PCDHA11: variants seen among roughly 807,000 people sequenced by gnomAD.
PCDHA11 encodes the protein protocadherin alpha 11, also known as protocadherin alpha-11.
In PCDHA11, 61 loss-of-function variants were observed where a neutral mutation model predicts 70.3. The observed-to-expected ratio is 0.87, with a 90% confidence interval of 0.71 to 1.07. The LOEUF (loss-of-function observed/expected upper bound fraction) is 1.07. Among genes scored for constraint, PCDHA11 ranks in the 50% least tolerant of loss-of-function variants. The pLI is 0.00. For synonymous variants in PCDHA11, 633 were observed against 555.1 expected, an observed-to-expected ratio of 1.14 and a Z score of -1.97; for missense variants, 1,324 against 1,237.5, an observed-to-expected ratio of 1.07 and a Z score of -1.05.
chr5:140,892,087 T>G (rs2063378040), intron 1 of PCDHA11, among the ~76,000 whole-genome samples: 1 of 152,226 alleles, frequency 6.6e-6, no homozygotes, highest in East Asian at 1.9e-4. Context: ...TAGTTTCCTC[T>G]CGAAACTTTC....
At chr5:141,002,757 A>G (rs1234528731) in intron 3 of PCDHA11, among the ~76,000 whole-genome samples, 1 of 152,224 alleles carries the variant, frequency 6.6e-6, no homozygotes, top group African/African-American at 2.4e-5. Context: ...CAACCCTGTG[A>G]TGTAGACAGG....
chr5:140,954,737 T>C (rs1208625491), intron 1 of PCDHA11, among the ~76,000 whole-genome samples: 38 of 152,210 alleles, frequency 2.5e-4, no homozygotes, highest in Non-Finnish European at 1.5e-5. Flanking sequence ...TTCACTCTGA[T>C]GATAGTTTCT....
At position 140,984,581 on chromosome 5, in the gene PCDHA11, C is replaced by T. The variant is rs141574202; in HGVS notation, c.2539+2018C>T. ...TCCAACTACTCCATGGCAACCTAAT[C>T]ATACTTTTCAATACATACCTCTGCA... On this transcript the variant is annotated intron_variant, in intron 3 of 3. Transcript: ENST00000398640. 4.4e-3 allele frequency among the ~76,000 whole-genome samples: 664 copies of T among 152,272 alleles called. 7 individuals carry two copies. The highest frequency in any genetic ancestry group is 0.013 in the African/African-American group (558 of 41,552).
intron 1 of PCDHA11, chr5:140,967,413 A>C: frequency 6.2e-7 from 1 of 1,613,218 alleles, no homozygotes; most frequent in Non-Finnish European, 8.5e-7. Context: ...AAGGGCCTAG[A>C]CCGGGAGCAG....
chr5:140,981,691 T>C (rs1370541525), intron 2 of PCDHA11, among the ~76,000 whole-genome samples: 1 of 150,826 alleles, frequency 6.6e-6, no homozygotes, highest in East Asian at 2.1e-4. Flanking sequence ...CCTTCCATCA[T>C]TCATTCATTC....
At chr5:140,984,643 C>G (rs1300632981) in intron 3 of PCDHA11, among the ~76,000 whole-genome samples, 3 of 152,152 alleles carry the variant, frequency 2.0e-5, no homozygotes, top group Non-Finnish European at 4.4e-5. Context: ...TCTGCCTTCT[C>G]CCTGTCCTTC....
At chr5:140,902,044 AT>A (rs1222362795) in intron 1 of PCDHA11, among the ~76,000 whole-genome samples, 1 of 152,016 alleles carries the variant, frequency 6.6e-6, no homozygotes, top group Admixed American at 6.6e-5. Flanking sequence ...TTGTATGTTG[AT>A]TTTGTATCCT....
chr5:140,929,645 C>G (rs1271694172), intron 1 of PCDHA11: 1 of 366,374 alleles, frequency 2.7e-6, no homozygotes, highest in Non-Finnish European at 5.0e-6. Context: ...ATGTGTAAGG[C>G]ACTCTAATAT....
At chr5:140,961,936 T>C (rs1163967895) in intron 1 of PCDHA11, among the ~76,000 whole-genome samples, 1 of 151,364 alleles carries the variant, frequency 6.6e-6, no homozygotes, top group Non-Finnish European at 1.5e-5. Flanking sequence ...CAGGCTGGAG[T>C]GCAGTGGCAT....
At chr5:140,965,670 G>A (rs2095922284) in intron 1 of PCDHA11, among the ~76,000 whole-genome samples, 1 of 152,144 alleles carries the variant, frequency 6.6e-6, no homozygotes, top group Non-Finnish European at 1.5e-5. Flanking sequence ...GGTGATAAAT[G>A]TAAAAGATTT....
intron 1 of PCDHA11, among the ~76,000 whole-genome samples, chr5:140,952,915 G>GGCATGA (rs2094816103): frequency 6.6e-6 from 1 of 151,986 alleles, no homozygotes; most frequent in African/African-American, 2.4e-5. Flanking sequence ...CATCTTACAT[G>GGCATGA]GCATGAGCAG....
intron 3 of PCDHA11, among the ~76,000 whole-genome samples, chr5:140,999,654 C>T (rs180994815): frequency 1.3e-3 from 194 of 152,238 alleles, no homozygotes; most frequent in African/African-American, 4.4e-3. Context: ...AGCCTGAGCC[C>T]TGCTGGGTTG....
At chr5:140,884,166 C>A in intron 1 of PCDHA11, 1 of 1,613,430 alleles carries the variant, frequency 6.2e-7, no homozygotes, top group Non-Finnish European at 8.5e-7. Context: ...GAGATCAGCA[C>A]GACGCGCCCT....
rs577838197 is a variant in PCDHA11, at chr5:140,982,551, A to G, written c.2527A>G (p.Ser843Gly). 28 of 1,614,198 alleles carry G rather than the reference A, an allele frequency of 1.7e-5. No individual in the cohort carries two copies. Among genetic ancestry groups the G allele is most frequent in the South Asian group, 1.2e-4 (11 of 91,088 alleles). The change falls in exon 3 of 4, where the codon AGT (serine) becomes GGT (glycine). Residue 843 changes from serine (S) to glycine (G), a missense_variant. Coordinates refer to ENST00000398640, the MANE Select transcript of PCDHA11 (RefSeq NM_018902.5). ...GPDQQWPTVS[S>G]ATPEPEAGEV... is the part of the protein sequence containing the mutation. ...TGATCAGCAGTGGCCAACAGTATCC[A>G]GTGCAACACCAGGTAAAGAGCTGGG... is the stretch of plus-strand genomic sequence containing the variant.
chr5:140,872,165 C>CTT (rs781807025), intron 1 of PCDHA11, among the ~76,000 whole-genome samples: 18 of 144,352 alleles, frequency 1.2e-4, no homozygotes, highest in Non-Finnish European at 2.0e-4. Context: ...ATTTACTTTT[C>CTT]TTTTTTTTTT....
chr5:140,982,696 A>G lies in PCDHA11; in HGVS notation c.2539+133A>G. ...GTTATTCCCTTTTTTCCATACATAC[A>G]TGATTTCCTTACATATATGATTATT... On this transcript the variant is annotated intron_variant, in intron 3 of 3. Transcript: ENST00000398640. 2.9e-6 allele frequency: 4 copies of G among 1,397,036 alleles called. No individual in the cohort carries two copies. The East Asian group carries it at 7.6e-5, about 27-fold the overall frequency. 86.5% of individuals were successfully genotyped at this position (1,397,036 alleles called of 1,614,324 possible). A position where few individuals can be genotyped will look rare whatever the true frequency, so the allele number is the denominator to read the frequency against.
intron 1 of PCDHA11, among the ~76,000 whole-genome samples, chr5:140,934,664 T>G (rs1268113575): frequency 1.3e-5 from 2 of 152,176 alleles, no homozygotes; most frequent in Admixed American, 6.5e-5. Flanking sequence ...TCTTCCCCTT[T>G]GTTTAGCAGT....
chr5:140,954,505 A>G (rs1011072156), intron 1 of PCDHA11, among the ~76,000 whole-genome samples: 2 of 152,082 alleles, frequency 1.3e-5, no homozygotes, highest in Non-Finnish European at 2.9e-5. Flanking sequence ...TTTGATTTGC[A>G]TTTACCTAAT....
intron 1 of PCDHA11, among the ~76,000 whole-genome samples, chr5:140,874,013 A>C (rs2054638776): frequency 6.6e-6 from 1 of 152,248 alleles, no homozygotes; most frequent in Non-Finnish European, 1.5e-5. Flanking sequence ...ACCACTTTTG[A>C]AAATGAAAAA....
Sources: gnomAD v4.1 joint callset for allele counts (sites outside exome capture counted in the v4.1 genomes callset) on GRCh38, gnomAD v4.1.1 for gene constraint, MANE v1.5 for transcripts, NCBI Gene and HGNC (gene_info 2026-07-23, HGNC 2026-07-21) for gene names.